MED1: variants seen among roughly 807,000 people sequenced by gnomAD.
MED1 encodes mediator complex subunit 1, also known as mediator of RNA polymerase II transcription subunit 1.
In MED1, 17 loss-of-function variants were observed where a neutral mutation model predicts 121.3. That is an observed-to-expected ratio of 0.14 (90% confidence interval 0.10 to 0.21). The LOEUF is 0.21. Among genes scored for constraint, MED1 ranks in the 10% least tolerant of loss-of-function variants. The pLI, the probability that MED1 is intolerant of heterozygous loss-of-function variation, is 1.00. For missense variants in MED1, 1,558 were observed against 1,919.4 expected (o/e 0.81, Z 3.52); for synonymous variants, 661 against 694.4 (o/e 0.95, Z 0.76).
rs772564695 is a variant in MED1 at position 39,440,458 on chromosome 17, A to G, written c.327T>C (p.Tyr109=). 5 of 1,599,666 alleles carry G rather than the reference A, an allele frequency of 3.1e-6. No homozygotes were observed. The highest frequency in any genetic ancestry group is 1.7e-4 in the Middle Eastern group (1 of 6,022). ...TECYITSDMF[Y]VEVQLDPAGQ... ...CTGCAGGATCTAACTGCACTTCCACATAGAACATATCTGACGTGATGTAAC... is the reference window on the plus strand; with the variant it reads ...CTGCAGGATCTAACTGCACTTCCACGTAGAACATATCTGACGTGATGTAAC... Residue 109 remains tyrosine (Y), a synonymous_variant, in exon 5 of 17, where the codon TAT becomes TAC. Coordinates refer to ENST00000300651, the MANE Select transcript of MED1 (RefSeq NM_004774.4). The surrounding 1 kb of genome is among the most constrained non-coding windows in gnomAD (Gnocchi z 4.1).
At chr17:39,431,854 G>T in intron 8 of MED1, 88 bp downstream of exon 8, 1 of 865,640 alleles carries the variant, frequency 1.2e-6, no homozygotes, top group Non-Finnish European at 1.9e-6. Flanking sequence ...TATCATACAG[G>T]CTTAATAGAG....
intron 1 of MED1, among the ~76,000 whole-genome samples, chr17:39,448,680 C>T (rs1460910810): frequency 2.0e-5 from 3 of 152,116 alleles, no homozygotes; most frequent in South Asian, 4.1e-4. Context: ...GAGGCCAAGG[C>T]GGGTGGATCA....
chr17:39,430,282 G>A (rs1393801732), intron 9 of MED1, among the ~76,000 whole-genome samples: 1 of 152,006 alleles, frequency 6.6e-6, no homozygotes, highest in African/African-American at 2.4e-5. Context: ...CTACTCGGGA[G>A]GCTGAGGCAG....
intron 10 of MED1, among the ~76,000 whole-genome samples, chr17:39,426,652 A>G (rs1015644773): frequency 1.1e-4 from 17 of 151,502 alleles, no homozygotes; most frequent in Non-Finnish European, 2.2e-4. Context: ...CTCCTGCCTC[A>G]GCTTCCTGAG....
chr17:39,413,194 C>T (rs943339505), intron 16 of MED1, among the ~76,000 whole-genome samples: 10 of 152,140 alleles, frequency 6.6e-5, no homozygotes, highest in African/African-American at 2.4e-4. Context: ...CCCGCCTCAG[C>T]CTCCTGAGTA....
chr17:39,442,905 CAAAAAAAAAAAA>C (rs751236293), intron 3 of MED1, among the ~76,000 whole-genome samples: 2 of 17,358 alleles, frequency 1.2e-4, no homozygotes, highest in Admixed American at 7.2e-4. Context: ...AACTCCATCT[CAAAAAAAAAAAA>C]AAAAAAAAAA....
chr17:39,445,613 G>C (rs1334548081), intron 2 of MED1: 1 of 152,162 alleles, frequency 6.6e-6, no homozygotes, highest in Non-Finnish European at 1.5e-5. Flanking sequence ...AACCAAGAGA[G>C]TGGTACCCAA....
intron 3 of MED1, among the ~76,000 whole-genome samples, chr17:39,442,268 T>G (rs942116601): frequency 7.2e-5 from 11 of 151,998 alleles, no homozygotes; most frequent in Non-Finnish European, 1.5e-4. Context: ...GGAAATTTGC[T>G]CCATAAACAC....
Position 39,405,392 on chromosome 17 carries a change from A to G in MED1, c.*2083T>C, listed in dbSNP as rs920838835. 1.4e-4 allele frequency: 222 copies of G among 1,551,652 alleles called. No homozygotes were observed. The highest frequency in any genetic ancestry group is 2.5e-5 in the Non-Finnish European group (29 of 1,147,204). On this transcript the variant is annotated 3_prime_UTR_variant, in exon 17 of 17. Transcript: ENST00000300651. Reference sequence around the variant, plus strand: ...GGCCCTGCATGGGGGAGCTGAGCCCATGATACTATTCAGTACATTCCCCCT... The same window carrying G: ...GGCCCTGCATGGGGGAGCTGAGCCCGTGATACTATTCAGTACATTCCCCCT...
In MED1 at chr17:39,408,584, G is replaced by C. The variant is rs756968305; in HGVS notation, c.3637C>G (p.Pro1213Ala). ...DKLASPMKPV[P>A]GTPPSSKAKS... Reference sequence around the variant, plus strand: ...GCTTTAGAGGATGGAGGAGTTCCAGGAACAGGCTTCATTGGAGAGGCAAGC... The same window carrying C: ...GCTTTAGAGGATGGAGGAGTTCCAGCAACAGGCTTCATTGGAGAGGCAAGC... Residue 1213 changes from proline to alanine, a missense_variant, in exon 17 of 17, where the codon CCT becomes GCT. Around this residue, in one of 5 missense-constraint regions of MED1, gnomAD observed 793 missense variants for 898.2 expected, o/e 0.88. Transcript: ENST00000300651. The surrounding 1 kb of genome is among the most constrained non-coding windows in gnomAD (Gnocchi z 4.7). 6.2e-6 allele frequency: 10 copies of C among 1,614,100 alleles called. No individual in the cohort carries two copies. Among genetic ancestry groups the C allele is most frequent in the Non-Finnish European group, 8.5e-6 (10 of 1,180,056 alleles).
chr17:39,426,241 G>A (rs2048514291), intron 10 of MED1, among the ~76,000 whole-genome samples: 1 of 152,120 alleles, frequency 6.6e-6, no homozygotes, highest in South Asian at 2.1e-4. Flanking sequence ...CAGGTAAGGA[G>A]TTCAAGACCA....
Position 39,406,842 on chromosome 17 carries a change from G to A in MED1, c.*633C>T, listed in dbSNP as rs1018205763. 23 of 985,170 alleles carry A rather than the reference G, an allele frequency of 2.3e-5. No individual in the cohort carries two copies. The highest frequency in any genetic ancestry group is 2.5e-5 in the Non-Finnish European group (21 of 829,868). 61.0% of individuals were successfully genotyped at this position (985,170 alleles called of 1,614,324 possible). On this transcript the variant is annotated 3_prime_UTR_variant, in exon 17 of 17. Transcript: ENST00000300651. ...ACCCTAAACCTCATAGATTTAGAAC[G>A]AAACACTGTATAAAAACAAACAGAT...
rs1174122585 is a variant in MED1, at chr17:39,417,607, C to T, written c.1297+2110G>A. The stretch of plus-strand genomic sequence containing the variant: ...TTGCGCCACTGCACTCCAGCCTGGG[C>T]GACAGAGCGAGACTCCGTCTCAAAA... On this transcript the variant is annotated intron_variant, in intron 14 of 16. Transcript: ENST00000300651. Among the ~76,000 whole-genome samples the T allele has an allele frequency of 4.0e-5, 6 of 150,260 alleles. No homozygotes were observed. In the East Asian group the frequency reaches 6.0e-4, roughly 15 times the overall value.
chr17:39,412,022 A>G (rs1345973966), intron 16 of MED1, among the ~76,000 whole-genome samples: 1 of 150,480 alleles, frequency 6.6e-6, no homozygotes, highest in Non-Finnish European at 1.5e-5. Flanking sequence ...AAAAAAAAAG[A>G]AAAGAAAAAT....
At chr17:39,446,177 C>T (rs1222069588) in intron 2 of MED1, among the ~76,000 whole-genome samples, 1 of 151,844 alleles carries the variant, frequency 6.6e-6, no homozygotes, top group Non-Finnish European at 1.5e-5. Context: ...TCTGGCTAAG[C>T]GCAGTGGCTA....
In MED1 at chr17:39,406,407, C is replaced by G; in HGVS notation, c.*1068G>C. On this transcript the variant is annotated 3_prime_UTR_variant, in exon 17 of 17. Transcript: ENST00000300651. ...GGAATGGCATCAGTTCTCCTGCAAACAAAATGCTGGGATGCAGACTTTTGG... is the reference window on the plus strand; with the variant it reads ...GGAATGGCATCAGTTCTCCTGCAAAGAAAATGCTGGGATGCAGACTTTTGG... The G allele has an allele frequency of 1.0e-6, 1 of 985,360 alleles. No individual in the cohort carries two copies. Among genetic ancestry groups the G allele is most frequent in the Non-Finnish European group, 1.2e-6 (1 of 829,914 alleles). The allele number at this position is 985,360 out of a possible 1,614,324, so 61.0% of individuals were successfully genotyped here.
At chr17:39,434,207 C>G (rs763580906) in intron 7 of MED1, 42 bp downstream of exon 7, 1 of 1,383,556 alleles carries the variant, frequency 7.2e-7, no homozygotes, top group South Asian at 1.3e-5. Context: ...TAGATTTATA[C>G]TGATTTTTAC....
chr17:39,410,556 G>A lies in MED1; in HGVS notation c.1665C>T (p.Asn555=). The part of the protein sequence containing the change: ...SPGYGMTTGN[N]PMSGTTTPTN... ...TTGGTGTAGTGGTACCACTCATTGG[G>A]TTGTTGCCTGTGGTCATGCCATACC... Residue 555 remains asparagine (N), a synonymous_variant, in exon 17 of 17, where the codon AAC becomes AAT. Transcript: ENST00000300651. 6.2e-7 allele frequency: 1 copy of A among 1,614,130 alleles called. No individual in the cohort carries two copies. The highest frequency in any genetic ancestry group is 8.5e-7 in the Non-Finnish European group (1 of 1,180,032).
At chr17:39,432,830 C>T (rs56236848) in intron 7 of MED1, among the ~76,000 whole-genome samples, 15,840 of 152,008 alleles carry the variant, frequency 0.1, 904 homozygotes, top group African/African-American at 0.15. Flanking sequence ...TTTGGGAGGC[C>T]GAAGCGGGTA....
Sources: allele counts gnomAD v4.1 joint callset (sites outside exome capture counted in the v4.1 genomes callset), GRCh38; gene constraint gnomAD v4.1.1; regional missense constraint gnomAD v4.1.1; non-coding constraint Gnocchi (gnomAD v3.1); transcripts MANE v1.5; gene names NCBI Gene and HGNC (gene_info 2026-07-23, HGNC 2026-07-21).